The following SORL1 variants were observed in gnomAD, a reference collection of about 807,000 sequenced individuals.
SORL1 encodes sortilin-related receptor.
SORL1 carries 127 observed loss-of-function variants against 273.7 expected under a neutral mutation model. That is an observed-to-expected ratio of 0.46 (90% confidence interval 0.40 to 0.54). The LOEUF (loss-of-function observed/expected upper bound fraction) is 0.54. SORL1 is among the 20% of genes least tolerant of loss of function. The pLI is 0.00. For synonymous variants in SORL1, 1,031 were observed against 1,067.4 expected (o/e 0.97, Z 0.66); for missense variants, 2,494 against 2,846.1 (o/e 0.88, Z 2.81).
rs1279208658 is a variant in SORL1, at chr11:121,631,443, C to T, written c.*1880C>T. 1 of 151,990 alleles carries T rather than the reference C, an allele frequency of 6.6e-6. No homozygotes were observed. The highest frequency in any genetic ancestry group is 1.5e-5 in the Non-Finnish European group (1 of 68,010). The allele number at this position is 151,990 out of a possible 1,614,324, so 9.4% of individuals were successfully genotyped here. ...GTAGAGATTTGTTCAAAACTCTAAG[C>T]CCTACCACCTCCCCTTTAATAAGCT... On this transcript the variant is annotated 3_prime_UTR_variant, in exon 48 of 48. Transcript: ENST00000260197.
Position 121,559,515 on chromosome 11 carries a change from T to A in SORL1, c.2911-4T>A. On this transcript the variant is annotated splice_region_variant and splice_polypyrimidine_tract_variant and intron_variant, in intron 20 of 47. Coordinates refer to ENST00000260197, the MANE Select transcript of SORL1 (RefSeq NM_003105.6). The stretch of plus-strand genomic sequence containing the variant: ...GGACTAATGGGCAAAGGTTTTCTTT[T>A]TAGAATGAAATCTACTGGGATGACT... 1 of 1,611,738 alleles carries A rather than the reference T, an allele frequency of 6.2e-7. No individual in the cohort carries two copies.
intron 37 of SORL1, 73 bp downstream of exon 37, chr11:121,607,363 A>T: frequency 1.2e-6 from 1 of 811,558 alleles, no homozygotes; most frequent in Non-Finnish European, 2.1e-6. Flanking sequence ...TTTTGTGAGA[A>T]CTCTCTACTC....
intron 32 of SORL1, among the ~76,000 whole-genome samples, chr11:121,600,138 T>C (rs770009458): frequency 6.6e-6 from 1 of 152,202 alleles, no homozygotes; most frequent in Non-Finnish European, 1.5e-5. Context: ...ACTTTGGTGG[T>C]GGGTTTTAAT....
rs750601829 is a variant in SORL1, at chr11:121,520,820, A to G, written c.1375A>G (p.Thr459Ala). ...GGAGTTTCTTCAGGCTCCAGCCTTC[A>G]CGGGATATGGAGAGAAAATCAATTG... ...TWEFLQAPAF[T>A]GYGEKINCEL... is the part of the protein sequence containing the mutation. Residue 459 changes from threonine to alanine, a missense_variant, in exon 9 of 48, where the codon ACG (threonine) becomes GCG (alanine). Thr to Ala is a moderately conservative substitution (Grantham distance 58, BLOSUM62 0). Around this residue, in one of 3 missense-constraint regions of SORL1, gnomAD observed 710 missense variants for 882.5 expected, o/e 0.80. Transcript: ENST00000260197. 3 of 1,606,210 alleles carry G rather than the reference A, an allele frequency of 1.9e-6. No individual in the cohort carries two copies. In the South Asian group the frequency reaches 3.4e-5, roughly 18 times the overall value.
At position 121,551,174 on chromosome 11, in the gene SORL1, A is replaced by G. The variant is rs151171627; in HGVS notation, c.2266+504A>G. 5.5e-3 allele frequency among the ~76,000 whole-genome samples: 843 copies of G among 152,256 alleles called. 7 individuals carry two copies. Among genetic ancestry groups the G allele is most frequent in the African/African-American group, 0.019 (802 of 41,556 alleles). ...CAACTCAGGGAAGCAGATATTATCAATTTTGTTTTTTACTTTTTCACGAGG... is the reference window on the plus strand; with the variant it reads ...CAACTCAGGGAAGCAGATATTATCAGTTTTGTTTTTTACTTTTTCACGAGG... On this transcript the variant is annotated intron_variant, in intron 16 of 47. Transcript: ENST00000260197.
intron 6 of SORL1, among the ~76,000 whole-genome samples, chr11:121,505,680 T>C (rs1050499985): frequency 6.6e-6 from 1 of 152,208 alleles, no homozygotes; most frequent in Non-Finnish European, 1.5e-5. Flanking sequence ...CTAATGATTC[T>C]TGTGATTCCT....
In SORL1 at chr11:121,633,599, TG is replaced by T. The variant is rs2134965111; in HGVS notation, c.*4037del. 6.6e-6 allele frequency: 1 copy of T among 152,380 alleles called. No homozygotes were observed. The highest frequency in any genetic ancestry group is 1.9e-4 in the East Asian group (1 of 5,192). The allele number at this position is 152,380 out of a possible 1,614,324, so 9.4% of individuals were successfully genotyped here. ...AAATCTGCTGAAGGTTTTACTGTAT[TG>T]TTGCACAACTTTAAGATAATTTTTG... On this transcript the variant is annotated 3_prime_UTR_variant, in exon 48 of 48. Coordinates refer to ENST00000260197, the MANE Select transcript of SORL1 (RefSeq NM_003105.6).
intron 3 of SORL1, among the ~76,000 whole-genome samples, chr11:121,486,519 G>C (rs545349849): frequency 4.2e-5 from 6 of 144,334 alleles, no homozygotes; most frequent in Admixed American, 7.2e-5. Flanking sequence ...TCACTCTGTC[G>C]CCCAGGCTGG....
intron 16 of SORL1, 56 bp from the exon 17 acceptor site, chr11:121,553,881 G>C: frequency 6.5e-7 from 1 of 1,539,634 alleles, no homozygotes; most frequent in Non-Finnish European, 8.9e-7. Flanking sequence ...AGATGTGCTA[G>C]GACCTCTTCA....
chr11:121,497,584 G>GA (rs1231785937), intron 6 of SORL1, among the ~76,000 whole-genome samples: 20 of 152,286 alleles, frequency 1.3e-4, no homozygotes, highest in Admixed American at 1.2e-3. Context: ...CAGCCTTTGG[G>GA]AAAATCTTCC....
At chr11:121,482,474 G>A (rs537708734) in intron 3 of SORL1, among the ~76,000 whole-genome samples, 3 of 152,328 alleles carry the variant, frequency 2.0e-5, no homozygotes, top group Admixed American at 6.5e-5. Context: ...GGGTTGGTGG[G>A]GGCAGCATTC....
intron 14 of SORL1, among the ~76,000 whole-genome samples, chr11:121,549,257 C>T (rs1424122093): frequency 6.6e-6 from 1 of 152,020 alleles, no homozygotes; most frequent in African/African-American, 2.4e-5. Context: ...GGGGCTTGCT[C>T]TGTTGCCCAG....
At chr11:121,518,368 G>A (rs1235325520) in intron 8 of SORL1, among the ~76,000 whole-genome samples, 1 of 152,180 alleles carries the variant, frequency 6.6e-6, no homozygotes, top group African/African-American at 2.4e-5. Flanking sequence ...GGTCAAGTGG[G>A]GGAAAGGAAA....
intron 23 of SORL1, 40 bp downstream of exon 23, chr11:121,570,310 T>C: frequency 6.7e-7 from 1 of 1,500,784 alleles, no homozygotes; most frequent in African/African-American, 1.4e-5. Flanking sequence ...TTACCATTAC[T>C]CAGAAGCCTG....
intron 1 of SORL1, among the ~76,000 whole-genome samples, chr11:121,461,419 G>A (rs1326911531): frequency 6.6e-6 from 1 of 152,144 alleles, no homozygotes; most frequent in African/African-American, 2.4e-5. Context: ...TGGGACGTCC[G>A]CCTGTTGCCT....
chr11:121,505,843 A>T (rs1861778967), intron 6 of SORL1, among the ~76,000 whole-genome samples: 1 of 152,164 alleles, frequency 6.6e-6, no homozygotes, highest in Non-Finnish European at 1.5e-5. Context: ...GGCCTATTTT[A>T]ATACTTAACA....
chr11:121,611,816 C>T (rs1476173899), intron 39 of SORL1: 1 of 152,348 alleles, frequency 6.6e-6, no homozygotes, highest in Non-Finnish European at 1.5e-5. Flanking sequence ...CATTTAGTGT[C>T]ATGACCTTGG....
intron 17 of SORL1, 138 bp from the exon 18 acceptor site, chr11:121,555,049 T>C (rs778740394): frequency 1.4e-4 from 129 of 946,272 alleles, no homozygotes; most frequent in Non-Finnish European, 1.9e-4. Flanking sequence ...TTCATGTGTC[T>C]GGAAAGTTTA....
At chr11:121,606,984 A>G (rs763214724) in intron 36 of SORL1, 27 bp downstream of exon 36, 2 of 1,525,786 alleles carry the variant, frequency 1.3e-6, no homozygotes, top group South Asian at 1.1e-5. Flanking sequence ...AGTTGGCTGT[A>G]TGTGTGTTGG....
Sources: allele counts gnomAD v4.1 joint callset (sites outside exome capture counted in the v4.1 genomes callset), GRCh38; gene constraint gnomAD v4.1.1; regional missense constraint gnomAD v4.1.1; transcripts MANE v1.5; gene names NCBI Gene and HGNC (gene_info 2026-07-23, HGNC 2026-07-21).